Variants in CANX observed in about 807,000 individuals in gnomAD.
CANX encodes calnexin.
CANX carries 14 observed loss-of-function variants against 75.7 expected under a neutral mutation model. The ratio of observed to expected loss-of-function variants is 0.19; its 90% CI spans 0.12 to 0.29. The LOEUF (loss-of-function observed/expected upper bound fraction) is 0.29. CANX is among the 10% of genes least tolerant of loss of function. The pLI, the probability that CANX is intolerant of heterozygous loss-of-function variation, is 1.00. For synonymous variants in CANX, 227 were observed against 236.9 expected (o/e 0.96, Z 0.38); for missense variants, 567 against 713.2 (o/e 0.79, Z 2.34).
At chr5:179,711,376 C>A (rs1777540694) in intron 7 of CANX, among the ~76,000 whole-genome samples, 1 of 150,872 alleles carries the variant, frequency 6.6e-6, no homozygotes, top group Non-Finnish European at 1.5e-5. Context: ...GAGCCATGAT[C>A]TTGCCACTGC....
At chr5:179,710,104 A>C (rs761423806) in intron 7 of CANX, 39 bp downstream of exon 7, 5 of 1,158,486 alleles carry the variant, frequency 4.3e-6, no homozygotes, top group Non-Finnish European at 6.3e-6. Flanking sequence ...ATGGTATTAC[A>C]TATATATCAT....
At chr5:179,698,942 G>C (rs1275660792), upstream of CANX, 2 of 1,122,720 alleles carry the variant, frequency 1.8e-6, no homozygotes, top group African/African-American at 1.7e-5. Flanking sequence ...GCCGGGCTTC[G>C]TGCGGTGGGG....
intron 13 of CANX, among the ~76,000 whole-genome samples, chr5:179,725,309 C>T (rs1778575550): frequency 6.6e-6 from 1 of 151,948 alleles, no homozygotes; most frequent in Non-Finnish European, 1.5e-5. Flanking sequence ...CAGATTCAAG[C>T]GATTCTCCCA....
intron 1 of CANX, among the ~76,000 whole-genome samples, chr5:179,705,313 G>A (rs1777052700): frequency 6.6e-6 from 1 of 152,246 alleles, no homozygotes; most frequent in South Asian, 2.1e-4. Context: ...ATGTTTTAAC[G>A]GGTACCCCCT....
In CANX at chr5:179,722,870, A is replaced by G. The variant is rs370228321; in HGVS notation, c.1249A>G (p.Thr417Ala). The G allele has an allele frequency of 1.2e-6, 2 of 1,613,452 alleles. No individual in the cohort carries two copies. The highest frequency in any genetic ancestry group is 2.2e-5 in the East Asian group (1 of 44,866). ...FFEDLEPFRM[T>A]PFSAIGLELW... ...TGAAGATCTGGAACCTTTCAGAATG[A>G]CTCCTTTTAGTGCTATTGGTTTGGA... Residue 417 changes from threonine to alanine, a missense_variant, in exon 11 of 15, where the codon ACT becomes GCT. By Grantham distance (58) the Thr-to-Ala change is moderately conservative (BLOSUM62 0). Transcript: ENST00000247461.
At chr5:179,728,253 C>T (rs530364677) in intron 14 of CANX, among the ~76,000 whole-genome samples, 27 of 152,312 alleles carry the variant, frequency 1.8e-4, no homozygotes, top group African/African-American at 6.3e-4. Context: ...GGTTTCTTAT[C>T]CTCAGAATGG....
intron 7 of CANX, among the ~76,000 whole-genome samples, chr5:179,713,118 G>A (rs1777693194): frequency 6.6e-6 from 1 of 151,524 alleles, no homozygotes; most frequent in African/African-American, 2.4e-5. Context: ...GTCTTGCTTT[G>A]TCATCCAGGC....
intron 1 of CANX, chr5:179,704,315 C>T (rs927874303): frequency 6.6e-6 from 1 of 151,572 alleles, no homozygotes; most frequent in Admixed American, 6.6e-5. Context: ...ATCACGACGT[C>T]AAGAGATTGA....
At chr5:179,716,033 T>C (rs2113216467) in intron 7 of CANX, 72 bp from the exon 8 acceptor site, 2 of 1,119,276 alleles carry the variant, frequency 1.8e-6, no homozygotes, top group South Asian at 1.3e-5. Flanking sequence ...TTAGAAGTCA[T>C]GATCTTTTGT....
intron 10 of CANX, among the ~76,000 whole-genome samples, chr5:179,721,911 A>G (rs1036788993): frequency 6.6e-6 from 1 of 152,134 alleles, no homozygotes; most frequent in African/African-American, 2.4e-5. Context: ...GTATATATAC[A>G]TATACTAATA....
intron 5 of CANX, 25 bp downstream of exon 5, chr5:179,708,405 A>C: frequency 1.2e-6 from 2 of 1,604,014 alleles, no homozygotes; most frequent in East Asian, 2.2e-5. Context: ...TGTTGGATAA[A>C]AGCTTTCTGC....
At chr5:179,692,439 G>A (rs1238011963) in intron 1 of CANX, among the ~76,000 whole-genome samples, 1 of 152,074 alleles carries the variant, frequency 6.6e-6, no homozygotes, top group Non-Finnish European at 1.5e-5. Flanking sequence ...TGGGAGCAGT[G>A]GTTCACATCT....
At chr5:179,706,397 C>T (rs1777140899) in intron 3 of CANX, 66 bp downstream of exon 3, 1 of 735,560 alleles carries the variant, frequency 1.4e-6, no homozygotes, top group Admixed American at 2.5e-5. Flanking sequence ...TAGTAGATTC[C>T]TTTTTGGATA....
chr5:179,705,973 C>A, intron 2 of CANX, 121 bp downstream of exon 2: 2 of 729,034 alleles, frequency 2.7e-6, no homozygotes, highest in South Asian at 1.8e-5. Flanking sequence ...GAGTGTGAGT[C>A]CAGCCTTGGC....
chr5:179,725,591 A>G (rs1364201300), intron 13 of CANX, among the ~76,000 whole-genome samples: 1 of 149,910 alleles, frequency 6.7e-6, no homozygotes, highest in Non-Finnish European at 1.5e-5. Flanking sequence ...GAGGCAGGAG[A>G]ATGGCGTGAA....
At chr5:179,724,209 C>T (rs1778495703) in intron 12 of CANX, among the ~76,000 whole-genome samples, 1 of 151,846 alleles carries the variant, frequency 6.6e-6, no homozygotes. Context: ...GGTACCACAG[C>T]CTTATTGTTA....
At chr5:179,697,606 C>A (rs995473570), upstream of CANX, among the ~76,000 whole-genome samples, 6 of 152,178 alleles carry the variant, frequency 3.9e-5, no homozygotes, top group Non-Finnish European at 8.8e-5. Flanking sequence ...AATTCTCCTA[C>A]ACAAATTTTG....
At chr5:179,692,377 CT>C (rs1231982812) in intron 1 of CANX, among the ~76,000 whole-genome samples, 1 of 151,986 alleles carries the variant, frequency 6.6e-6, no homozygotes, top group Non-Finnish European at 1.5e-5. Context: ...GCCTGGCCAT[CT>C]GTGTTCCTTA....
chr5:179,701,727 A>G (rs1337211327), intron 1 of CANX, among the ~76,000 whole-genome samples: 2 of 133,770 alleles, frequency 1.5e-5, no homozygotes, highest in Non-Finnish European at 3.2e-5. Flanking sequence ...TGTTACTCCA[A>G]CAGATGTACT....
Sources: allele counts gnomAD v4.1 joint callset (sites outside exome capture counted in the v4.1 genomes callset), GRCh38; gene constraint gnomAD v4.1.1; transcripts MANE v1.5; gene names NCBI Gene and HGNC (gene_info 2026-07-23, HGNC 2026-07-21).